Variants in KCNH1 observed in about 807,000 individuals in gnomAD.
KCNH1 encodes voltage-gated delayed rectifier potassium channel KCNH1.
KCNH1 carries 27 observed loss-of-function variants against 69.2 expected under a neutral mutation model. That is an observed-to-expected ratio of 0.39 (90% CI 0.29 to 0.54). KCNH1 has a LOEUF of 0.54. KCNH1 is among the 20% of genes least tolerant of loss of function. The pLI is 0.68. For synonymous variants in KCNH1, 456 were observed against 487.7 expected, an observed-to-expected ratio of 0.93 and a Z score of 0.86; for missense variants, 798 against 1,261.6, an observed-to-expected ratio of 0.63 and a Z score of 5.57.
intron 6 of KCNH1, among the ~76,000 whole-genome samples, chr1:210,983,113 G>A (rs1487794942): frequency 7.7e-6 from 1 of 129,856 alleles, no homozygotes; most frequent in Non-Finnish European, 1.8e-5. Flanking sequence ...TTTTTGATGG[G>A]GTTGTTTGTT....
intron 10 of KCNH1, among the ~76,000 whole-genome samples, chr1:210,754,096 T>C (rs180773983): frequency 8.0e-4 from 122 of 152,010 alleles, no homozygotes; most frequent in African/African-American, 2.9e-3. Flanking sequence ...TTTTTTTGTA[T>C]TTTTAGTAGA....
intron 10 of KCNH1, among the ~76,000 whole-genome samples, chr1:210,713,625 G>T (rs145906138): frequency 1.5e-4 from 23 of 152,096 alleles, no homozygotes; most frequent in Admixed American, 2.0e-4. Context: ...GGGAAGGGAT[G>T]GGGGGAAGAA....
intron 7 of KCNH1, among the ~76,000 whole-genome samples, chr1:210,853,750 T>G (rs1428197092): frequency 6.6e-6 from 1 of 152,130 alleles, no homozygotes; most frequent in Admixed American, 6.6e-5. Context: ...GATCCATTGT[T>G]AGTCCTGTCT....
intron 10 of KCNH1, among the ~76,000 whole-genome samples, chr1:210,759,904 A>G (rs948937002): frequency 1.3e-5 from 2 of 152,198 alleles, no homozygotes; most frequent in Admixed American, 1.3e-4. Context: ...AAGGCCTGTT[A>G]AAAACGGGTC....
At chr1:211,107,494 T>C (rs1273698985) in intron 1 of KCNH1, 117 bp from the exon 2 acceptor site, 15 of 1,031,976 alleles carry the variant, frequency 1.5e-5, no homozygotes, top group East Asian at 2.4e-5. Flanking sequence ...CTCCAAAACA[T>C]AGACTCTTGA....
chr1:211,023,824 G>A (rs913875652), intron 5 of KCNH1, among the ~76,000 whole-genome samples: 2 of 152,118 alleles, frequency 1.3e-5, no homozygotes, highest in African/African-American at 4.8e-5. Flanking sequence ...CATCTAATGT[G>A]CATCAATAAA....
chr1:210,688,087 G>GGACT (rs1384142978), intron 10 of KCNH1, among the ~76,000 whole-genome samples: 3 of 152,182 alleles, frequency 2.0e-5, no homozygotes. Flanking sequence ...CTTTACTGCA[G>GGACT]GACTTCTCAG....
chr1:210,859,646 C>T (rs1685931680), intron 7 of KCNH1: 14 of 1,339,218 alleles, frequency 1.0e-5, no homozygotes, highest in Non-Finnish European at 1.5e-5. Flanking sequence ...TTCTTGTGTT[C>T]TGCATGGCAG....
intron 7 of KCNH1, among the ~76,000 whole-genome samples, chr1:210,853,575 C>T (rs1217322342): frequency 6.6e-6 from 1 of 152,194 alleles, no homozygotes; most frequent in Non-Finnish European, 1.5e-5. Context: ...GGGCACTCTA[C>T]AGAGCCCAGG....
rs144210276 is a variant in KCNH1, at chr1:211,065,585, A to G, written c.558+17195T>C. Among the ~76,000 whole-genome samples the G allele has an allele frequency of 4.6e-5, 7 of 152,330 alleles. No individual in the cohort carries two copies. The East Asian group carries it at 1.3e-3, about 29-fold the overall frequency. On this transcript the variant is annotated intron_variant, in intron 5 of 10. Coordinates refer to ENST00000271751, the MANE Select transcript of KCNH1 (RefSeq NM_172362.3). ...TTGTATAACATGATGACTATAGTTA[A>G]TAACAAAGTATTGTATCCTTAAAAA...
At chr1:211,099,205 A>C (rs189204252) in intron 3 of KCNH1, among the ~76,000 whole-genome samples, 120 of 152,296 alleles carry the variant, frequency 7.9e-4, no homozygotes, top group African/African-American at 2.7e-3. Context: ...ATTGTATACA[A>C]GTCGAAATCT....
chr1:211,041,911 C>T (rs927487674), intron 5 of KCNH1, among the ~76,000 whole-genome samples: 5 of 152,124 alleles, frequency 3.3e-5, no homozygotes, highest in African/African-American at 9.7e-5. Flanking sequence ...CATGCCAACA[C>T]GACCAGCTAA....
At chr1:211,054,547 A>G (rs1002126091) in intron 5 of KCNH1, among the ~76,000 whole-genome samples, 1 of 152,200 alleles carries the variant, frequency 6.6e-6, no homozygotes, top group Admixed American at 6.5e-5. Flanking sequence ...ATCAAATTAG[A>G]TATTAGCTAT....
intron 9 of KCNH1, among the ~76,000 whole-genome samples, chr1:210,779,996 A>AG (rs1330354637): frequency 6.6e-6 from 1 of 152,222 alleles, no homozygotes; most frequent in East Asian, 1.9e-4. Flanking sequence ...AAGCCCCTGC[A>AG]GGCAATTTGG....
chr1:211,084,579 G>C (rs1189173067), intron 4 of KCNH1, among the ~76,000 whole-genome samples: 2 of 152,202 alleles, frequency 1.3e-5, no homozygotes, highest in Admixed American at 1.3e-4. Flanking sequence ...GATTCTCTTT[G>C]CAAGAGTGGG....
intron 7 of KCNH1, among the ~76,000 whole-genome samples, chr1:210,826,942 G>T (rs900810582): frequency 1.3e-5 from 2 of 152,224 alleles, no homozygotes; most frequent in Non-Finnish European, 2.9e-5. Flanking sequence ...CCTGGAGTCT[G>T]ATGGGAAACA....
At chr1:210,943,493 C>A (rs111496731) in intron 6 of KCNH1, among the ~76,000 whole-genome samples, 22 of 151,960 alleles carry the variant, frequency 1.4e-4, no homozygotes, top group African/African-American at 5.3e-4. Flanking sequence ...GGAATACCGG[C>A]GCACACCGCC....
intron 1 of KCNH1, among the ~76,000 whole-genome samples, chr1:211,114,067 C>T (rs1027895486): frequency 3.3e-5 from 5 of 151,972 alleles, no homozygotes; most frequent in African/African-American, 1.2e-4. Flanking sequence ...TACCAAGTTT[C>T]ATTCAATCCA....
At chr1:210,699,649 G>A (rs1228029954) in intron 10 of KCNH1, among the ~76,000 whole-genome samples, 3 of 152,156 alleles carry the variant, frequency 2.0e-5, no homozygotes, top group Non-Finnish European at 4.4e-5. Context: ...GCCTTCCTGT[G>A]CTCCACACCC....
Sources: gnomAD v4.1 joint callset for allele counts (sites outside exome capture counted in the v4.1 genomes callset) on GRCh38, gnomAD v4.1.1 for gene constraint, MANE v1.5 for transcripts, NCBI Gene and HGNC (gene_info 2026-07-23, HGNC 2026-07-21) for gene names.